Variants in FRAS1 observed in about 807,000 individuals in gnomAD.
FRAS1 encodes Fraser extracellular matrix complex subunit 1, also known as extracellular matrix organizing protein FRAS1.
A neutral mutation model predicts 435.2 loss-of-function variants in FRAS1; 290 were observed. That is an observed-to-expected ratio of 0.67 (90% confidence interval 0.61 to 0.73). The LOEUF (loss-of-function observed/expected upper bound fraction) is 0.73. FRAS1 is among the 30% of genes least tolerant of loss of function. The pLI, the probability that FRAS1 is intolerant of heterozygous loss-of-function variation, is 0.00. For synonymous variants in FRAS1, 1,800 were observed against 1,851.0 expected (o/e 0.97, Z 0.71); for missense variants, 4,860 against 5,001.5 (o/e 0.97, Z 0.85).
intron 1 of FRAS1, 55 bp downstream of exon 1, chr4:78,058,140 A>T: frequency 7.1e-7 from 1 of 1,402,880 alleles, no homozygotes; most frequent in Non-Finnish European, 9.9e-7. Context: ...GTGTGTGTGT[A>T]TGTGTGAGTG....
intron 61 of FRAS1, among the ~76,000 whole-genome samples, chr4:78,503,628 T>A (rs1049039074): frequency 2.2e-4 from 33 of 152,166 alleles, no homozygotes; most frequent in African/African-American, 8.0e-4. Context: ...GTTTTGCTAG[T>A]GGTCAATCAA....
chr4:78,448,827 T>C (rs1441075759), intron 44 of FRAS1, among the ~76,000 whole-genome samples: 1 of 152,254 alleles, frequency 6.6e-6, no homozygotes, highest in African/African-American at 2.4e-5. Context: ...ATTTTGCTCA[T>C]GTTTAAGCAA....
At position 78,358,042 on chromosome 4, in the gene FRAS1, C is replaced by T. The variant is rs1015391608; in HGVS notation, c.2423-5471C>T. On this transcript the variant is annotated intron_variant, in intron 20 of 73. Coordinates refer to ENST00000512123, the MANE Select transcript of FRAS1 (RefSeq NM_025074.7). ...TTCCTGGTCCAATGGGGGATGGTGACAGTGGATGAGGAAGGAACTCACTGA... is the reference window on the plus strand; with the variant it reads ...TTCCTGGTCCAATGGGGGATGGTGATAGTGGATGAGGAAGGAACTCACTGA... 3.9e-5 allele frequency among the ~76,000 whole-genome samples: 6 copies of T among 152,150 alleles called. No homozygotes were observed. The South Asian group carries it at 6.2e-4, about 16-fold the overall frequency.
intron 30 of FRAS1, among the ~76,000 whole-genome samples, chr4:78,402,732 A>G (rs1732940806): frequency 6.6e-6 from 1 of 152,094 alleles, no homozygotes; most frequent in African/African-American, 2.4e-5. Context: ...CTATGACCCA[A>G]TCCAGGATCT....
intron 3 of FRAS1, among the ~76,000 whole-genome samples, chr4:78,240,596 C>T (rs1724958497): frequency 6.6e-6 from 1 of 152,154 alleles, no homozygotes; most frequent in Non-Finnish European, 1.5e-5. Context: ...CTGGGAAAGA[C>T]CCAGGTGGAT....
chr4:78,491,790 C>T (rs1249952908), intron 59 of FRAS1, among the ~76,000 whole-genome samples: 2 of 152,060 alleles, frequency 1.3e-5, no homozygotes, highest in Non-Finnish European at 2.9e-5. Context: ...TAGTATTAAA[C>T]GTTCTGGCTA....
chr4:78,354,618 C>T (rs1419231897), intron 20 of FRAS1, among the ~76,000 whole-genome samples: 1 of 152,148 alleles, frequency 6.6e-6, no homozygotes, highest in Non-Finnish European at 1.5e-5. Flanking sequence ...GGCATGAAAT[C>T]ATTTCTTTTT....
chr4:78,198,429 A>G (rs540313967), intron 2 of FRAS1, among the ~76,000 whole-genome samples: 41 of 152,330 alleles, frequency 2.7e-4, no homozygotes, highest in African/African-American at 9.9e-4. Context: ...TTTCTGAGAC[A>G]TCTTCCCAAA....
rs554935140 is a variant in FRAS1, at chr4:78,282,168, C to G, written c.1108-652C>G. Among the ~76,000 whole-genome samples the G allele has an allele frequency of 1.1e-4, 16 of 152,342 alleles. 1 individual carries two copies. The highest frequency in any genetic ancestry group is 3.4e-3 in the Middle Eastern group (1 of 294). On this transcript the variant is annotated intron_variant, in intron 11 of 73. Transcript: ENST00000512123. ...CCCCAATACCTTCGGGTAAGAACCT[C>G]TGTCTCTTTCCTGTTAGCAAAAATG...
At chr4:78,157,135 C>A (rs115503007) in intron 2 of FRAS1, among the ~76,000 whole-genome samples, 4,479 of 152,304 alleles carry the variant, frequency 0.029, 112 homozygotes, top group Middle Eastern at 0.068. Flanking sequence ...TGCATCCATA[C>A]TGCTGCAAAT....
rs1722029152 is a variant in FRAS1 at position 78,540,909 on chromosome 4, A to G, written c.11824A>G (p.Ile3942Val). 1 of 1,614,002 alleles carries G rather than the reference A, an allele frequency of 6.2e-7. No individual in the cohort carries two copies. The highest frequency in any genetic ancestry group is 2.2e-5 in the East Asian group (1 of 44,880). ...GAGGAAGAAGAAGCCCGCAGAGGACATTTTGGAAGAATATCCTCTGAATAC... is the reference window on the plus strand; with the variant it reads ...GAGGAAGAAGAAGCCCGCAGAGGACGTTTTGGAAGAATATCCTCTGAATAC... ...KQRKKKPAED[I>V]LEEYPLNTKV... Residue 3942 changes from isoleucine (I) to valine (V), a missense_variant, in exon 74 of 74, where the codon ATT (isoleucine) becomes GTT (valine). Ile to Val is a conservative substitution (Grantham distance 29). Coordinates refer to ENST00000512123, the MANE Select transcript of FRAS1 (RefSeq NM_025074.7).
At chr4:78,121,758 A>C (rs1470340740) in intron 2 of FRAS1, among the ~76,000 whole-genome samples, 3 of 152,224 alleles carry the variant, frequency 2.0e-5, no homozygotes, top group Admixed American at 1.3e-4. Context: ...TATTTAAAGC[A>C]GTGCAGAAGA....
At chr4:78,468,598 G>A (rs905179944) in intron 50 of FRAS1, among the ~76,000 whole-genome samples, 1 of 152,062 alleles carries the variant, frequency 6.6e-6, no homozygotes. Context: ...CTTCCTAAAG[G>A]AATCGCTGTC....
intron 2 of FRAS1, among the ~76,000 whole-genome samples, chr4:78,120,838 G>A (rs1228070633): frequency 1.3e-5 from 2 of 152,152 alleles, no homozygotes; most frequent in African/African-American, 2.4e-5. Flanking sequence ...AAGATTTTAA[G>A]TTTGAAACCT....
At chr4:78,171,144 A>G (rs902942001) in intron 2 of FRAS1, among the ~76,000 whole-genome samples, 5 of 152,078 alleles carry the variant, frequency 3.3e-5, no homozygotes, top group African/African-American at 9.7e-5. Context: ...CTCAAAAACT[A>G]TGAACTCTAA....
At chr4:78,450,383 C>T (rs999863503) in intron 45 of FRAS1, 44 bp downstream of exon 45, 1 of 1,469,872 alleles carries the variant, frequency 6.8e-7, no homozygotes, top group Non-Finnish European at 9.5e-7. Context: ...GTGGACTGCA[C>T]CTACACTAGT....
chr4:78,159,886 A>C (rs1410932778), intron 2 of FRAS1, among the ~76,000 whole-genome samples: 1 of 152,198 alleles, frequency 6.6e-6, no homozygotes, highest in African/African-American at 2.4e-5. Flanking sequence ...ATCTCAAAAA[A>C]ACAAAACAAA....
chr4:78,090,295 T>A (rs1315644285), intron 2 of FRAS1, among the ~76,000 whole-genome samples: 1 of 152,184 alleles, frequency 6.6e-6, no homozygotes, highest in Non-Finnish European at 1.5e-5. Context: ...GAGAAAATTT[T>A]AAATGTTTTG....
chr4:78,428,329 C>CT (rs34831830), intron 35 of FRAS1, among the ~76,000 whole-genome samples: 115,955 of 149,974 alleles, frequency 0.77, 45,376 homozygotes, highest in African/African-American at 0.91. Flanking sequence ...AAAAAGTATT[C>CT]TTTTTTTTTT....
Sources: allele counts gnomAD v4.1 joint callset (sites outside exome capture counted in the v4.1 genomes callset), GRCh38; gene constraint gnomAD v4.1.1; transcripts MANE v1.5; gene names NCBI Gene and HGNC (gene_info 2026-07-23, HGNC 2026-07-21).